Variants in PIP5K1B observed in about 807,000 individuals in gnomAD.
The protein encoded by PIP5K1B is phosphatidylinositol-4-phosphate 5-kinase type 1 beta.
PIP5K1B carries 42 observed loss-of-function variants against 67.0 expected under a neutral mutation model. The observed-to-expected ratio is 0.63, with a 90% CI of 0.49 to 0.81. The LOEUF is 0.81. PIP5K1B is among the 30% of genes least tolerant of loss of function. The probability of loss-of-function intolerance (pLI) is 0.00; values close to 1 mark genes in which losing one functional copy is unlikely to be tolerated. For missense variants in PIP5K1B, 459 were observed against 646.3 expected (o/e 0.71, Z 3.14); for synonymous variants, 214 against 231.4 (o/e 0.92, Z 0.68).
At chr9:68,941,267 A>T (rs973128281) in intron 14 of PIP5K1B, among the ~76,000 whole-genome samples, 6 of 152,214 alleles carry the variant, frequency 3.9e-5, no homozygotes, top group Non-Finnish European at 5.9e-5. Flanking sequence ...GGCAAAAGGG[A>T]CTTTACAAAT....
intron 13 of PIP5K1B, among the ~76,000 whole-genome samples, chr9:68,938,581 G>C (rs565437981): frequency 2.6e-5 from 4 of 152,210 alleles, no homozygotes; most frequent in Admixed American, 6.5e-5. Flanking sequence ...GGGGCATTTA[G>C]CCCATTTATA....
At chr9:68,742,689 A>G (rs7866673) in intron 2 of PIP5K1B, 32 bp downstream of exon 2, 64,918 of 151,992 alleles carry the variant, frequency 0.43, 14,657 homozygotes, top group African/African-American at 0.58. Context: ...ATTTTAAAGC[A>G]GTATTATTCC....
intron 12 of PIP5K1B, among the ~76,000 whole-genome samples, chr9:68,926,334 C>T (rs779391335): frequency 3.9e-5 from 6 of 151,934 alleles, no homozygotes; most frequent in South Asian, 4.2e-4. Context: ...TGGCATGTGT[C>T]GCAGATTTTT....
chr9:68,902,161 A>T (rs1825397249), intron 8 of PIP5K1B, among the ~76,000 whole-genome samples: 1 of 152,234 alleles, frequency 6.6e-6, no homozygotes, highest in African/African-American at 2.4e-5. Context: ...GGTTCTGTGC[A>T]ATTTCAGACG....
chr9:68,707,193 T>A (rs549852296), intron 1 of PIP5K1B, among the ~76,000 whole-genome samples: 1 of 152,182 alleles, frequency 6.6e-6, no homozygotes, highest in Non-Finnish European at 1.5e-5. Flanking sequence ...TTGAGACTGA[T>A]GTATGATGAC....
chr9:68,902,170 C>T (rs1050272495), intron 8 of PIP5K1B, among the ~76,000 whole-genome samples: 16 of 152,088 alleles, frequency 1.1e-4, no homozygotes, highest in African/African-American at 3.4e-4. Context: ...CAATTTCAGA[C>T]GTACATAGAT....
At chr9:68,998,522 T>TTGTC (rs1830688650) in intron 15 of PIP5K1B, among the ~76,000 whole-genome samples, 1 of 152,230 alleles carries the variant, frequency 6.6e-6, no homozygotes, top group East Asian at 1.9e-4. Context: ...TTGTGGTTTC[T>TTGTC]ATTTTTGTCT....
chr9:68,883,779 A>G (rs1385294230), intron 6 of PIP5K1B, among the ~76,000 whole-genome samples: 1 of 151,700 alleles, frequency 6.6e-6, no homozygotes, highest in Non-Finnish European at 1.5e-5. Context: ...TGGTACTAGT[A>G]TAAAAACAGA....
intron 1 of PIP5K1B, chr9:68,727,455 A>C (rs1478433117): frequency 6.6e-6 from 1 of 152,218 alleles, no homozygotes; most frequent in African/African-American, 2.4e-5. Context: ...TAATAGGTAG[A>C]GGGTAAGACT....
chr9:68,807,383 T>G (rs2132010415), intron 2 of PIP5K1B, among the ~76,000 whole-genome samples: 1 of 152,332 alleles, frequency 6.6e-6, no homozygotes. Flanking sequence ...TGGACAAAAT[T>G]TGTCTCCTGC....
chr9:68,857,895 A>G (rs1822862403), intron 4 of PIP5K1B, among the ~76,000 whole-genome samples: 1 of 152,072 alleles, frequency 6.6e-6, no homozygotes, highest in South Asian at 2.1e-4. Context: ...AATAATAAAT[A>G]AATGGGGAGG....
chr9:68,774,612 C>T (rs933779237), intron 2 of PIP5K1B, among the ~76,000 whole-genome samples: 1 of 152,152 alleles, frequency 6.6e-6, no homozygotes, highest in Non-Finnish European at 1.5e-5. Context: ...TGTAAACTAG[C>T]ACACATATCA....
chr9:68,864,338 T>G (rs1287433379), intron 5 of PIP5K1B, among the ~76,000 whole-genome samples: 2 of 152,344 alleles, frequency 1.3e-5, no homozygotes, highest in East Asian at 3.9e-4. Context: ...GTGCTAGGTT[T>G]TTGCTCCCCC....
chr9:68,814,768 C>T (rs1051482501), intron 2 of PIP5K1B, among the ~76,000 whole-genome samples: 5 of 152,032 alleles, frequency 3.3e-5, no homozygotes, highest in East Asian at 1.9e-4. Flanking sequence ...TGCAGTGAGC[C>T]GAGATCATGC....
At chr9:68,899,718 G>C (rs1032633104) in intron 8 of PIP5K1B, among the ~76,000 whole-genome samples, 7 of 152,162 alleles carry the variant, frequency 4.6e-5, no homozygotes, top group Non-Finnish European at 1.0e-4. Context: ...ATTGCAGTGA[G>C]TTTTCCCATG....
At position 69,008,940 on chromosome 9, in the gene PIP5K1B, T is replaced by C. The variant is rs1831207686; in HGVS notation, c.*491T>C. 1 of 158,814 alleles carries C rather than the reference T, an allele frequency of 6.3e-6. No individual in the cohort carries two copies. Among genetic ancestry groups the C allele is most frequent in the African/African-American group, 2.4e-5 (1 of 41,540 alleles). 9.8% of individuals were successfully genotyped at this position (158,814 alleles called of 1,614,324 possible). A position where few individuals can be genotyped will look rare whatever the true frequency, so the allele number is the denominator to read the frequency against. On this transcript the variant is annotated 3_prime_UTR_variant, in exon 16 of 16. Transcript: ENST00000265382. ...AATTGGTTTCATTTAAAGATCAATA[T>C]ACTAGGTCTGCCTTCACTTTATAGA...
intron 12 of PIP5K1B, among the ~76,000 whole-genome samples, chr9:68,933,465 C>T (rs887474011): frequency 7.2e-5 from 11 of 152,072 alleles, no homozygotes; most frequent in African/African-American, 2.7e-4. Context: ...CAAAGAAAAA[C>T]AAATTCAAGG....
intron 12 of PIP5K1B, among the ~76,000 whole-genome samples, chr9:68,924,111 A>T (rs1018241568): frequency 9.7e-6 from 1 of 103,190 alleles, no homozygotes; most frequent in Non-Finnish European, 1.8e-5. Context: ...TCTTACCTTT[A>T]AAAAAAAAAA....
chr9:68,974,157 A>T (rs943910286), intron 14 of PIP5K1B, among the ~76,000 whole-genome samples: 3 of 152,200 alleles, frequency 2.0e-5, no homozygotes, highest in Non-Finnish European at 2.9e-5. Flanking sequence ...GGTGTGAGTC[A>T]CCACACCCAG....
Sources: allele counts gnomAD v4.1 joint callset (sites outside exome capture counted in the v4.1 genomes callset), GRCh38; gene constraint gnomAD v4.1.1; transcripts MANE v1.5; gene names NCBI Gene and HGNC (gene_info 2026-07-23, HGNC 2026-07-21).